Variants in MINK1 observed in about 807,000 individuals in gnomAD.
The protein encoded by MINK1 is misshapen like kinase 1, also known as misshapen-like kinase 1.
Under a neutral mutation model 178.4 loss-of-function variants are expected in MINK1, and 46 were observed. The observed-to-expected ratio is 0.26, with a 90% CI of 0.20 to 0.33. The LOEUF is 0.33. Ranked by LOEUF, MINK1 falls within the 10% of genes least tolerant of loss-of-function variation. MINK1 has a pLI of 1.00. For synonymous variants in MINK1, 797 were observed against 709.7 expected, an observed-to-expected ratio of 1.12 and a Z score of -1.96; for missense variants, 1,366 against 1,814.9, an observed-to-expected ratio of 0.75 and a Z score of 4.49.
Position 4,894,296 on chromosome 17 carries a change from G to T in MINK1, c.2793G>T (p.Lys931Asn), listed in dbSNP as rs1480756395. 1 of 1,612,514 alleles carries T rather than the reference G, an allele frequency of 6.2e-7. No homozygotes were observed. Among genetic ancestry groups the T allele is most frequent in the Non-Finnish European group, 8.5e-7 (1 of 1,179,678 alleles). Residue 931 changes from lysine to asparagine, a missense_variant, in exon 23 of 32, where the codon AAG becomes AAT. Physicochemically the swap from Lys to Asn is moderately conservative, Grantham distance 94. This residue lies in a region of MINK1 where 709 missense variants were observed against 692.3 expected (regional missense o/e 1.02). Transcript: ENST00000355280. This position sits in a 1 kb window ranked among gnomAD's most constrained non-coding sequence, Gnocchi z 4.1. ...ENSKGQSPPS[K>N]DGSGDYQSRG... ...GCAAAGGCCAAAGCCCACCCTCGAA[G>T]GATGGGAGTGGTGACGTAAGTGGGC...
chr17:4,834,872 AC>A (rs1909062885), intron 1 of MINK1: 3 of 520,066 alleles, frequency 5.8e-6, no homozygotes, highest in Non-Finnish European at 1.2e-5. Flanking sequence ...GGTCAGCCAC[AC>A]AGGTGCCCCG....
intron 1 of MINK1, chr17:4,857,104 G>A (rs947226834): frequency 1.3e-4 from 28 of 214,896 alleles, no homozygotes; most frequent in African/African-American, 6.4e-4. Flanking sequence ...GCGCCCAGCT[G>A]GAGGAAACTG....
intron 1 of MINK1, among the ~76,000 whole-genome samples, chr17:4,859,788 CAAAAAA>C (rs397857604): frequency 3.1e-4 from 16 of 51,888 alleles, no homozygotes; most frequent in East Asian, 7.5e-4. Flanking sequence ...AACTCCATCT[CAAAAAA>C]AAAAAAAAAA....
In MINK1 at chr17:4,895,249, C is replaced by CT. The variant is rs1567624866; in HGVS notation, c.3085+7_3085+8insT. 1 of 1,613,990 alleles carries CT rather than the reference C, an allele frequency of 6.2e-7. No homozygotes were observed. Among genetic ancestry groups the CT allele is most frequent in the South Asian group, 1.1e-5 (1 of 91,078 alleles). ...CTCTGTGCAGCCCTTTGGGGTAAGC[C>CT]AGGGCAGGGACAGCTGAGGAGGCTC... On this transcript the variant is annotated splice_region_variant and intron_variant, in intron 25 of 31. Transcript: ENST00000355280. The surrounding 1 kb of genome is among the most constrained non-coding windows in gnomAD (Gnocchi z 4.3).
At chr17:4,834,735 T>C (rs1909029617) in intron 1 of MINK1, 2 of 519,750 alleles carry the variant, frequency 3.8e-6, no homozygotes, top group African/African-American at 3.8e-5. Context: ...TCCAGCGCTC[T>C]CACCAGGCCA....
Position 4,895,179 on chromosome 17 carries a change from A to T in MINK1, c.3022A>T (p.Thr1008Ser). 6.2e-7 allele frequency: 1 copy of T among 1,613,764 alleles called. No homozygotes were observed. The highest frequency in any genetic ancestry group is 1.1e-5 in the South Asian group (1 of 91,060). ...CACCAACACCCGGGCCCACAGTGAG[A>T]CCCCTGAGATCCGGAAGTACAAGAA... ...NPTNTRAHSETPEIRKYKKRF... is the reference protein window; with the variant it reads ...NPTNTRAHSESPEIRKYKKRF... Residue 1008 changes from threonine to serine, a missense_variant, in exon 25 of 32, where the codon ACC becomes TCC. Physicochemically the swap from Thr to Ser is moderately conservative, Grantham distance 58 (BLOSUM62 1). Transcript: ENST00000355280. The surrounding 1 kb of genome is among the most constrained non-coding windows in gnomAD (Gnocchi z 4.3).
rs760499845 is a variant in MINK1, at chr17:4,893,520, G to C, written c.2487G>C (p.Glu829Asp). 8 of 1,600,330 alleles carry C rather than the reference G, an allele frequency of 5.0e-6. No homozygotes were observed. In the African/African-American group the frequency reaches 1.1e-4, roughly 21 times the overall value. ...TGGACTACTCGTCGTCCAGCGAGGA[G>C]GTGGAAAGCAGTGAGGACGACGAGG... ...KAMDYSSSSE[E>D]VESSEDDEEE... Residue 829 changes from glutamate (E) to aspartate (D), a missense_variant, in exon 21 of 32, where the codon GAG (glutamate) becomes GAC (aspartate). This residue lies in a region of MINK1 where 709 missense variants were observed against 692.3 expected (regional missense o/e 1.02). Transcript: ENST00000355280.
At chr17:4,869,821 G>A (rs983854412) in intron 1 of MINK1, among the ~76,000 whole-genome samples, 47 of 139,260 alleles carry the variant, frequency 3.4e-4, no homozygotes, top group Non-Finnish European at 6.4e-4. Context: ...TATTTTATTT[G>A]TTTATTTATT....
At chr17:4,844,531 C>A in intron 1 of MINK1, 1 of 498,800 alleles carries the variant, frequency 2.0e-6, no homozygotes, top group East Asian at 5.7e-5. Context: ...ACCTTTTATT[C>A]GTATACCTGG....
intron 4 of MINK1, among the ~76,000 whole-genome samples, chr17:4,883,856 A>G (rs1967951365): frequency 6.6e-6 from 1 of 151,366 alleles, no homozygotes; most frequent in Non-Finnish European, 1.5e-5. Context: ...GTAGTTCTTA[A>G]CCGCTGTAGG....
chr17:4,892,972 C>G lies in MINK1; in HGVS notation c.2312-7C>G. The G allele has an allele frequency of 7.7e-6, 12 of 1,559,194 alleles. No homozygotes were observed. Among genetic ancestry groups the G allele is most frequent in the Non-Finnish European group, 9.6e-6 (11 of 1,151,404 alleles). On this transcript the variant is annotated splice_region_variant and splice_polypyrimidine_tract_variant and intron_variant, in intron 19 of 31. Transcript: ENST00000355280. ...CATCAGTGACCTTCTTCCACCCTGC[C>G]GTCCAGTCTCCTCCAAACCGGACAG...
Position 4,896,320 on chromosome 17 carries a change from A to G in MINK1, c.3593A>G (p.Tyr1198Cys). The change falls in exon 29 of 32, where the codon TAT becomes TGT. Residue 1198 changes from tyrosine to cysteine, a missense_variant. By Grantham distance (194) the Tyr-to-Cys change is radical (BLOSUM62 -2). This residue lies in a region of MINK1 where 201 missense variants were observed against 240.7 expected (regional missense o/e 0.84). Coordinates refer to ENST00000355280, the MANE Select transcript of MINK1 (RefSeq NM_153827.5). This position sits in a 1 kb window ranked among gnomAD's most constrained non-coding sequence, Gnocchi z 4.6. Reference sequence around the variant, plus strand: ...GTGGATGTCGACTCGGGGAACAGCTATGACATCTACATCCCTGTGCACGTG... The same window carrying G: ...GTGGATGTCGACTCGGGGAACAGCTGTGACATCTACATCCCTGTGCACGTG... Reference protein sequence around the residue: ...HAVDVDSGNSYDIYIPVHIQS... With the variant: ...HAVDVDSGNSCDIYIPVHIQS... 7 of 1,599,866 alleles carry G rather than the reference A, an allele frequency of 4.4e-6. No individual in the cohort carries two copies. Among genetic ancestry groups the G allele is most frequent in the Non-Finnish European group, 6.0e-6 (7 of 1,172,668 alleles).
chr17:4,888,645 AT>A (rs1403360800), intron 12 of MINK1, among the ~76,000 whole-genome samples: 2 of 152,082 alleles, frequency 1.3e-5, no homozygotes, highest in African/African-American at 2.4e-5. Flanking sequence ...AAATAAAAAA[AT>A]AAAATAAATA....
At chr17:4,888,438 C>T (rs1221997305) in intron 12 of MINK1, among the ~76,000 whole-genome samples, 3 of 151,914 alleles carry the variant, frequency 2.0e-5, no homozygotes, top group Non-Finnish European at 4.4e-5. Flanking sequence ...GAGTTCGAGA[C>T]CAGCCTGTCT....
intron 1 of MINK1, among the ~76,000 whole-genome samples, chr17:4,834,168 C>T (rs1908931204): frequency 6.6e-6 from 1 of 152,172 alleles, no homozygotes; most frequent in Non-Finnish European, 1.5e-5. Flanking sequence ...AGCTACCCCA[C>T]CCCTCGTGCC....
chr17:4,885,353 G>T lies in MINK1; in HGVS notation c.509-130G>T. 1 of 1,196,788 alleles carries T rather than the reference G, an allele frequency of 8.4e-7. No homozygotes were observed. 74.1% of individuals were successfully genotyped at this position (1,196,788 alleles called of 1,614,324 possible). On this transcript the variant is annotated intron_variant, in intron 6 of 31. Coordinates refer to ENST00000355280, the MANE Select transcript of MINK1 (RefSeq NM_153827.5). This position sits in a 1 kb window ranked among gnomAD's most constrained non-coding sequence, Gnocchi z 5.0. ...TCAGGATGGTGGTGGGGTAAAGGAG[G>T]GTGCTGGGGTGTCTGGGTCGGGCCA...
At chr17:4,841,019 G>A (rs1910138987) in intron 1 of MINK1, among the ~76,000 whole-genome samples, 1 of 152,082 alleles carries the variant, frequency 6.6e-6, no homozygotes, top group Non-Finnish European at 1.5e-5. Context: ...CGAGGGAGGA[G>A]ACAGGAAGAC....
At position 4,881,190 on chromosome 17, in the gene MINK1, G is replaced by A; in HGVS notation, c.239G>A (p.Arg80His). ...INMLKKYSHHRNIATYYGAFI... is the reference protein window; with the variant it reads ...INMLKKYSHHHNIATYYGAFI... The stretch of plus-strand genomic sequence containing the variant: ...ATGCTGAAAAAGTACTCTCACCACC[G>A]CAACATCGCCACCTACTACGGAGCC... Residue 80 changes from arginine (R) to histidine (H), a missense_variant, in exon 4 of 32, where the codon CGC (arginine) becomes CAC (histidine). Coordinates refer to ENST00000355280, the MANE Select transcript of MINK1 (RefSeq NM_153827.5). The A allele has an allele frequency of 2.6e-6, 4 of 1,537,130 alleles. No individual in the cohort carries two copies. Among genetic ancestry groups the A allele is most frequent in the East Asian group, 4.9e-5 (2 of 40,896 alleles).
Position 4,894,517 on chromosome 17 carries a change from TACC to T in MINK1, c.2809-5_2809-3del. On this transcript the variant is annotated splice_region_variant and splice_polypyrimidine_tract_variant and intron_variant, in intron 23 of 31. Transcript: ENST00000355280. This position sits in a 1 kb window ranked among gnomAD's most constrained non-coding sequence, Gnocchi z 4.1. Reference sequence around the variant, plus strand: ...CTTGTTTGCCTGACTGCTGTCCCCCTACCACAGTACCAGTCTCGTGGGCTGGTA... The same window carrying T: ...CTTGTTTGCCTGACTGCTGTCCCCCTACAGTACCAGTCTCGTGGGCTGGTA... 1 of 1,588,088 alleles carries T rather than the reference TACC, an allele frequency of 6.3e-7. No homozygotes were observed. The highest frequency in any genetic ancestry group is 8.6e-7 in the Non-Finnish European group (1 of 1,166,348).
Sources: allele counts gnomAD v4.1 joint callset (sites outside exome capture counted in the v4.1 genomes callset), GRCh38; gene constraint gnomAD v4.1.1; regional missense constraint gnomAD v4.1.1; non-coding constraint Gnocchi (gnomAD v3.1); transcripts MANE v1.5; gene names NCBI Gene and HGNC (gene_info 2026-07-23, HGNC 2026-07-21).